ZNF540: variants seen among roughly 807,000 people sequenced by gnomAD.
The protein encoded by ZNF540 is zinc finger protein 540, also known as CTD-3064H18.6.
A neutral mutation model predicts 11.8 loss-of-function variants in ZNF540; 3 were observed. The ratio of observed to expected loss-of-function variants is 0.25; its 90% CI spans 0.12 to 0.65. The LOEUF (loss-of-function observed/expected upper bound fraction) is 0.65. ZNF540 is among the 30% of genes least tolerant of loss of function. The pLI, the probability that ZNF540 is intolerant of heterozygous loss-of-function variation, is 0.83. For missense variants in ZNF540, 709 were observed against 793.1 expected, an observed-to-expected ratio of 0.89 and a Z score of 1.27; for synonymous variants, 247 against 259.0, an observed-to-expected ratio of 0.95 and a Z score of 0.45.
At position 37,612,472 on chromosome 19, in the gene ZNF540, C is replaced by T. The variant is rs777635007; in HGVS notation, c.1192C>T (p.Leu398Phe). 6.2e-7 allele frequency: 1 copy of T among 1,614,118 alleles called. No homozygotes were observed. Among genetic ancestry groups the T allele is most frequent in the Non-Finnish European group, 8.5e-7 (1 of 1,180,016 alleles). Reference sequence around the variant, plus strand: ...GAAATCATTTAATGTGCGTGGACAGCTTAATCGGCATAAAACAATCCATAC... The same window carrying T: ...GAAATCATTTAATGTGCGTGGACAGTTTAATCGGCATAAAACAATCCATAC... ...CGKSFNVRGQ[L>F]NRHKTIHTGI... The change falls in exon 5 of 5, where the codon CTT becomes TTT. Residue 398 changes from leucine to phenylalanine, a missense_variant. By Grantham distance (22) the Leu-to-Phe change is conservative. Coordinates refer to ENST00000316433, the MANE Select transcript of ZNF540 (RefSeq NM_001172225.3).
In ZNF540 at chr19:37,612,509, C is replaced by T. The variant is rs1190847363; in HGVS notation, c.1229C>T (p.Pro410Leu). ...RHKTIHTGIK[P>L]FACKVCEKAF... ...AAAACAATCCATACTGGTATAAAAC[C>T]TTTTGCATGTAAGGTGTGTGAGAAG... The change falls in exon 5 of 5, where the codon CCT becomes CTT. Residue 410 changes from proline to leucine, a missense_variant. Coordinates refer to ENST00000316433, the MANE Select transcript of ZNF540 (RefSeq NM_001172225.3). The T allele has an allele frequency of 2.5e-6, 4 of 1,614,052 alleles. No homozygotes were observed. The highest frequency in any genetic ancestry group is 2.5e-6 in the Non-Finnish European group (3 of 1,180,000).
At chr19:37,607,507 G>C (rs1316016256) in intron 4 of ZNF540, among the ~76,000 whole-genome samples, 2 of 152,056 alleles carry the variant, frequency 1.3e-5, no homozygotes, top group African/African-American at 4.8e-5. Context: ...AGAAACCACT[G>C]AGCATTTTAC....
intron 1 of ZNF540, among the ~76,000 whole-genome samples, chr19:37,553,113 C>CTTTTTTTTTTTTT (rs746114598): frequency 3.0e-5 from 1 of 33,098 alleles, no homozygotes; most frequent in Non-Finnish European, 5.5e-5. Flanking sequence ...AACCTAACAT[C>CTTTTTTTTTTTTT]TTTTTTTTTT....
chr19:37,593,630 A>G (rs1334193360), upstream of ZNF540, among the ~76,000 whole-genome samples: 1 of 152,134 alleles, frequency 6.6e-6, no homozygotes, highest in African/African-American at 2.4e-5. Context: ...GTGAACCCGG[A>G]AGGCGGAGCT....
chr19:37,562,080 A>G (rs1333789540), intron 1 of ZNF540, among the ~76,000 whole-genome samples: 1 of 152,202 alleles, frequency 6.6e-6, no homozygotes, highest in African/African-American at 2.4e-5. Context: ...GTGGGCTGCA[A>G]TGTTCATTAA....
At chr19:37,564,643 A>C in intron 1 of ZNF540, 1 of 1,582,210 alleles carries the variant, frequency 6.3e-7, no homozygotes, top group Non-Finnish European at 8.6e-7. Flanking sequence ...AAGGACATCT[A>C]AAGTCTTTAC....
In ZNF540 at chr19:37,604,694, G is replaced by A. The variant is rs146560528; in HGVS notation, c.232+3589G>A. Among the ~76,000 whole-genome samples the A allele has an allele frequency of 1.1e-4, 17 of 151,872 alleles. No homozygotes were observed. In the East Asian group the frequency reaches 3.3e-3, roughly 29 times the overall value. On this transcript the variant is annotated intron_variant, in intron 4 of 4. Transcript: ENST00000316433. ...TTAATTGTATCTGTTTAATTATTTT[G>A]GACAAACACGTGAGTCTTGTAATCA...
chr19:37,598,182 A>T (rs2044010934), intron 1 of ZNF540, among the ~76,000 whole-genome samples, 194 bp from the exon 2 acceptor site: 1 of 152,230 alleles, frequency 6.6e-6, no homozygotes, highest in Non-Finnish European at 1.5e-5. Flanking sequence ...AATGCAGGAT[A>T]ACCTCTGCAC....
At chr19:37,563,341 GAAAA>G (rs957267856) in intron 1 of ZNF540, 4 of 150,454 alleles carry the variant, frequency 2.7e-5, no homozygotes, top group African/African-American at 9.8e-5. Flanking sequence ...CAAAAAAAAA[GAAAA>G]AAAAGACAAA....
In ZNF540 at chr19:37,569,276, A is replaced by G. The variant is rs1434102081; in HGVS notation, c.-73+17611A>G. On this transcript the variant is annotated intron_variant, in intron 1 of 4. Transcript: ENST00000592533. The surrounding 1 kb of genome is among the most constrained non-coding windows in gnomAD (Gnocchi z 4.4). ...CCCCAAAGCATCCGGAACCACAACA[A>G]AAACCTACTCAGTAATGTTATGAGA... Among the ~76,000 whole-genome samples the G allele has an allele frequency of 6.6e-6, 1 of 152,058 alleles. No homozygotes were observed. The highest frequency in any genetic ancestry group is 2.4e-5 in the African/African-American group (1 of 41,412).
intron 1 of ZNF540, among the ~76,000 whole-genome samples, chr19:37,587,959 G>A (rs1255844292): frequency 1.3e-5 from 2 of 151,816 alleles, no homozygotes; most frequent in Non-Finnish European, 2.9e-5. Flanking sequence ...AATTAGCCAG[G>A]CATGGTGGCA....
At chr19:37,585,509 C>T (rs1447546576) in intron 1 of ZNF540, 1 of 152,168 alleles carries the variant, frequency 6.6e-6, no homozygotes, top group African/African-American at 2.4e-5. Context: ...ACCAACAAAG[C>T]AATGACCTGA....
chr19:37,591,896 A>G (rs2043879619), upstream of ZNF540, among the ~76,000 whole-genome samples: 3 of 152,176 alleles, frequency 2.0e-5, no homozygotes, highest in Admixed American at 1.3e-4. Context: ...GTTCTTATAT[A>G]TAGAAGAACT....
chr19:37,553,875 T>G (rs1167064095), intron 1 of ZNF540, among the ~76,000 whole-genome samples: 1 of 152,236 alleles, frequency 6.6e-6, no homozygotes, highest in Non-Finnish European at 1.5e-5. Flanking sequence ...CAAGAGAATA[T>G]GAGGAAAACA....
intron 1 of ZNF540, among the ~76,000 whole-genome samples, chr19:37,553,280 C>T (rs2042627985): frequency 6.6e-6 from 1 of 151,060 alleles, no homozygotes; most frequent in Admixed American, 6.6e-5. Flanking sequence ...TTACAGGTGC[C>T]CACCACCACG....
chr19:37,592,578 G>T (rs1418700560), upstream of ZNF540, among the ~76,000 whole-genome samples: 1 of 152,166 alleles, frequency 6.6e-6, no homozygotes, highest in Non-Finnish European at 1.5e-5. Context: ...GTGAAAAAAA[G>T]GAAAGGATTA....
chr19:37,598,693 G>T (rs537993943), intron 2 of ZNF540, among the ~76,000 whole-genome samples: 1 of 152,154 alleles, frequency 6.6e-6, no homozygotes, highest in Non-Finnish European at 1.5e-5. Context: ...GTTCCTAGAG[G>T]GGGAGGTACT....
At chr19:37,581,243 T>C (rs774216815) in intron 1 of ZNF540, among the ~76,000 whole-genome samples, 25 of 152,266 alleles carry the variant, frequency 1.6e-4, no homozygotes, top group Admixed American at 8.5e-4. Flanking sequence ...CTACCCCCAA[T>C]TGCCAAATCC....
intron 1 of ZNF540, among the ~76,000 whole-genome samples, chr19:37,579,238 C>T (rs1025490968): frequency 6.6e-6 from 1 of 152,234 alleles, no homozygotes; most frequent in Admixed American, 6.5e-5. Flanking sequence ...AGCCCGACTG[C>T]AGTCCAGCCC....
Sources: gnomAD v4.1 joint callset for allele counts (sites outside exome capture counted in the v4.1 genomes callset) on GRCh38, gnomAD v4.1.1 for gene constraint, Gnocchi (gnomAD v3.1) non-coding constraint, MANE v1.5 for transcripts, NCBI Gene and HGNC (gene_info 2026-07-23, HGNC 2026-07-21) for gene names.